WWTR1: variants seen among roughly 807,000 people sequenced by gnomAD.
WWTR1 encodes WW domain containing transcription regulator 1, also known as WW domain-containing transcription regulator protein 1.
WWTR1 carries 13 observed loss-of-function variants against 40.1 expected under a neutral mutation model. The ratio of observed to expected loss-of-function variants is 0.32; its 90% CI spans 0.21 to 0.52. The LOEUF is 0.52. WWTR1 is among the 20% of genes least tolerant of loss of function. The pLI, the probability that WWTR1 is intolerant of heterozygous loss-of-function variation, is 0.97. For synonymous variants in WWTR1, 230 were observed against 210.1 expected (o/e 1.09, Z -0.82); for missense variants, 436 against 523.1 (o/e 0.83, Z 1.63).
At chr3:149,717,487 A>G (rs966193419) in exon 5 of WWTR1, 1 of 152,218 alleles carries the variant, frequency 6.6e-6, no homozygotes, top group African/African-American at 2.4e-5. Flanking sequence ...CAGGAAAGCC[A>G]CTAATTATCA....
At chr3:149,559,616 C>T (rs1163445694) in intron 3 of WWTR1, among the ~76,000 whole-genome samples, 1 of 152,186 alleles carries the variant, frequency 6.6e-6, no homozygotes, top group Non-Finnish European at 1.5e-5. Flanking sequence ...AACCTCTCTA[C>T]ACATACCTCA....
chr3:149,549,876 A>C (rs879934641), intron 3 of WWTR1, among the ~76,000 whole-genome samples: 33 of 152,146 alleles, frequency 2.2e-4, no homozygotes, highest in Non-Finnish European at 4.3e-4. Flanking sequence ...AAAACAAAAC[A>C]AAAAGGTAAT....
intron 2 of WWTR1, among the ~76,000 whole-genome samples, chr3:149,642,528 C>T (rs1356961776): frequency 1.4e-4 from 22 of 152,216 alleles, no homozygotes; most frequent in Non-Finnish European, 1.0e-4. Flanking sequence ...GTAATCCCAG[C>T]ACTTTGGGAG....
At chr3:149,616,237 C>T (rs1576599037) in intron 2 of WWTR1, among the ~76,000 whole-genome samples, 1 of 152,272 alleles carries the variant, frequency 6.6e-6, no homozygotes, top group African/African-American at 2.4e-5. Flanking sequence ...GGCTTTAAAG[C>T]TTCCATAAGA....
At chr3:149,529,764 G>A (rs915129980) in intron 4 of WWTR1, among the ~76,000 whole-genome samples, 5 of 152,122 alleles carry the variant, frequency 3.3e-5, no homozygotes, top group Non-Finnish European at 5.9e-5. Context: ...AAAAGCCTGA[G>A]TCCCACCAGT....
At chr3:149,569,264 A>C (rs2107991484) in intron 3 of WWTR1, among the ~76,000 whole-genome samples, 1 of 152,322 alleles carries the variant, frequency 6.6e-6, no homozygotes, top group East Asian at 1.9e-4. Flanking sequence ...GAACAGTTAA[A>C]TTGTCTTAAA....
upstream of WWTR1, chr3:149,661,365 T>A (rs1713565404): frequency 6.6e-6 from 1 of 152,180 alleles, no homozygotes. Flanking sequence ...AGCCACAAAA[T>A]ATTGAAATGT....
intron 4 of WWTR1, among the ~76,000 whole-genome samples, chr3:149,718,317 T>G (rs374522609): frequency 5.3e-5 from 8 of 152,148 alleles, no homozygotes; most frequent in East Asian, 1.9e-4. Flanking sequence ...AGGAAACAGA[T>G]AGTAGAAAGC....
At chr3:149,671,462 T>C (rs1029755737) in intron 1 of WWTR1, among the ~76,000 whole-genome samples, 1 of 152,254 alleles carries the variant, frequency 6.6e-6, no homozygotes, top group African/African-American at 2.4e-5. Flanking sequence ...CAAAAGTTTC[T>C]GCTGGCATAT....
In WWTR1 at chr3:149,720,851, T is replaced by C. The variant is rs548771295; in HGVS notation, n.459+3229A>G. On this transcript the variant is annotated intron_variant and non_coding_transcript_variant, in intron 4 of 6. Coordinates refer to the WWTR1 transcript ENST00000474080. ...TTTTTTACATCCTTGGTAAAGTTAA[T>C]TCCTAGGTACTTTATTATTTTTGAT... 2.0e-5 allele frequency among the ~76,000 whole-genome samples: 3 copies of C among 152,328 alleles called. No individual in the cohort carries two copies. The South Asian group carries it at 6.2e-4, about 32-fold the overall frequency.
At chr3:149,657,525 T>C in intron 1 of WWTR1, 2 of 589,650 alleles carry the variant, frequency 3.4e-6, no homozygotes, top group Middle Eastern at 9.0e-4. Context: ...TGCAACTTTC[T>C]TGAAGCAAAG....
chr3:149,561,769 GT>G (rs1737087048), intron 3 of WWTR1, among the ~76,000 whole-genome samples: 2 of 152,164 alleles, frequency 1.3e-5, no homozygotes, highest in South Asian at 4.1e-4. Flanking sequence ...GATATGTTAA[GT>G]TTTAAAAAGA....
At chr3:149,720,138 C>T (rs1715721689) in intron 4 of WWTR1, among the ~76,000 whole-genome samples, 1 of 152,046 alleles carries the variant, frequency 6.6e-6, no homozygotes, top group African/African-American at 2.4e-5. Context: ...TCCAATTTGT[C>T]TGTTTTTTTC....
intron 2 of WWTR1, among the ~76,000 whole-genome samples, chr3:149,622,122 T>C (rs192449475): frequency 1.3e-5 from 2 of 152,326 alleles, no homozygotes; most frequent in African/African-American, 4.8e-5. Flanking sequence ...TTTATTATGA[T>C]AAATTTGATC....
intron 2 of WWTR1, among the ~76,000 whole-genome samples, chr3:149,603,669 G>A (rs1739355427): frequency 6.6e-6 from 1 of 151,306 alleles, no homozygotes. Context: ...CTGCCCCACT[G>A]ATGAAATCAT....
chr3:149,556,087 G>A (rs886656982), intron 3 of WWTR1, among the ~76,000 whole-genome samples: 2 of 152,206 alleles, frequency 1.3e-5, no homozygotes, highest in African/African-American at 4.8e-5. Context: ...AGAGGGTGAG[G>A]GGCCGGGACC....
intron 4 of WWTR1, chr3:149,717,629 T>TG (rs1281935139): frequency 6.6e-5 from 10 of 152,224 alleles, no homozygotes; most frequent in African/African-American, 2.4e-4. Context: ...GTATGCCCTC[T>TG]GGTGCCCAAG....
chr3:149,622,644 A>C (rs1335365929), intron 2 of WWTR1, among the ~76,000 whole-genome samples: 1 of 152,076 alleles, frequency 6.6e-6, no homozygotes, highest in African/African-American at 2.4e-5. Flanking sequence ...TGAGCTCAGG[A>C]GTTCAAGACC....
intron 1 of WWTR1, among the ~76,000 whole-genome samples, chr3:149,691,736 G>T (rs142626256): frequency 0.027 from 4,074 of 152,266 alleles, 127 homozygotes; most frequent in East Asian, 0.13. Context: ...TAAAAAGAAG[G>T]CCGGGCGCGG....
Sources: gnomAD v4.1 joint callset for allele counts (sites outside exome capture counted in the v4.1 genomes callset) on GRCh38, gnomAD v4.1.1 for gene constraint, MANE v1.5 for transcripts, NCBI Gene and HGNC (gene_info 2026-07-23, HGNC 2026-07-21) for gene names.